EXOC4: variants seen among roughly 807,000 people sequenced by gnomAD.
EXOC4 encodes the protein exocyst complex component 4.
In EXOC4, 71 loss-of-function variants were observed where a neutral mutation model predicts 107.2. That is an observed-to-expected ratio of 0.66 (90% CI 0.55 to 0.81). EXOC4 has a LOEUF of 0.81. EXOC4 is among the 30% of genes least tolerant of loss of function. The pLI is 0.00. For missense variants in EXOC4, 1,108 were observed against 1,189.6 expected (o/e 0.93, Z 1.01); for synonymous variants, 456 against 441.2 (o/e 1.03, Z -0.42).
the EXOC4 span, among the ~76,000 whole-genome samples, chr7:134,079,260 T>G: frequency 1.3e-5 from 2 of 152,144 alleles, no homozygotes; most frequent in Non-Finnish European, 2.9e-5. Flanking sequence ...ATTGGAAAGT[T>G]TCCTCTGAGG....
chr7:133,700,314 AT>A (rs756095259), intron 10 of EXOC4, among the ~76,000 whole-genome samples: 213 of 151,252 alleles, frequency 1.4e-3, no homozygotes, highest in African/African-American at 4.3e-3. Context: ...TTGAGGGACT[AT>A]TTTTTTTTAA....
intron 10 of EXOC4, among the ~76,000 whole-genome samples, chr7:133,755,210 A>ATGTG (rs200416174): frequency 1.5e-5 from 2 of 132,048 alleles, no homozygotes; most frequent in South Asian, 2.3e-4. Flanking sequence ...TTGTTTATAT[A>ATGTG]TGTGTGTGTG....
rs1441471138 is a variant in EXOC4, at chr7:133,907,037, G to A, written c.1872-10546G>A. Among the ~76,000 whole-genome samples the A allele has an allele frequency of 2.6e-5, 4 of 152,256 alleles. No homozygotes were observed. The East Asian group carries it at 7.7e-4, about 29-fold the overall frequency. Reference sequence around the variant, plus strand: ...CTTGGAAGCGGCCAGCCACCATCTTGGGAGCTCTGGGAGCAAGGACCCCCT... The same window carrying A: ...CTTGGAAGCGGCCAGCCACCATCTTAGGAGCTCTGGGAGCAAGGACCCCCT... On this transcript the variant is annotated intron_variant, in intron 12 of 17. Coordinates refer to ENST00000253861, the MANE Select transcript of EXOC4 (RefSeq NM_021807.4).
Position 133,576,605 on chromosome 7 carries a change from G to T in EXOC4, c.1418-53440G>T, listed in dbSNP as rs752447295. On this transcript the variant is annotated intron_variant, in intron 9 of 17. Transcript: ENST00000253861. ...ATCTATAAAGCGGATTTCTCAAGGG[G>T]GTAGAGATAACCACCTAGCTATTGC... 4 of 1,289,722 alleles carry T rather than the reference G, an allele frequency of 3.1e-6. No individual in the cohort carries two copies. The African/African-American group carries it at 4.5e-5, about 15-fold the overall frequency. 79.9% of individuals were successfully genotyped at this position (1,289,722 alleles called of 1,614,324 possible).
chr7:134,089,549 C>A, the EXOC4 span, among the ~76,000 whole-genome samples: 2 of 152,150 alleles, frequency 1.3e-5, no homozygotes, highest in East Asian at 1.9e-4. Context: ...CCTTACCTAG[C>A]TGTAAAGCAG....
chr7:133,796,151 C>T (rs530642728), intron 10 of EXOC4, among the ~76,000 whole-genome samples: 2 of 152,328 alleles, frequency 1.3e-5, no homozygotes, highest in Middle Eastern at 3.4e-3. Flanking sequence ...TTAAATTCTA[C>T]ATAACTTTCT....
At chr7:133,584,329 A>G (rs1464247042) in intron 9 of EXOC4, among the ~76,000 whole-genome samples, 2 of 152,118 alleles carry the variant, frequency 1.3e-5, no homozygotes, top group Admixed American at 6.6e-5. Context: ...TTGAAGGTGG[A>G]GGAGATAGTC....
rs529241274 is a variant in EXOC4, at chr7:133,720,940, C to T, written c.1514+90799C>T. On this transcript the variant is annotated intron_variant, in intron 10 of 17. Coordinates refer to ENST00000253861, the MANE Select transcript of EXOC4 (RefSeq NM_021807.4). ...AGCTAGGTTATAATATAGGAGCCTTCGATTTTCCTACATTAAATGTGTAGC... is the reference window on the plus strand; with the variant it reads ...AGCTAGGTTATAATATAGGAGCCTTTGATTTTCCTACATTAAATGTGTAGC... 7.0e-4 allele frequency among the ~76,000 whole-genome samples: 107 copies of T among 152,198 alleles called. 1 individual carries two copies. The highest frequency in any genetic ancestry group is 2.4e-3 in the African/African-American group (98 of 41,530).
intron 14 of EXOC4, among the ~76,000 whole-genome samples, chr7:133,941,821 T>TTCTCTCTCTCTCTCTCTCTA: frequency 7.7e-6 from 1 of 129,544 alleles, no homozygotes; most frequent in Non-Finnish European, 1.7e-5. Flanking sequence ...TGCTTACAGA[T>TTCTCTCTCTCTCTCTCTCTA]TCTCTCTCTC....
chr7:134,088,277 C>T, the EXOC4 span, among the ~76,000 whole-genome samples: 1 of 152,114 alleles, frequency 6.6e-6, no homozygotes, highest in African/African-American at 2.4e-5. Context: ...TGTCCTGTTA[C>T]AAAAGAAAAC....
Position 133,817,337 on chromosome 7 carries a change from G to C in EXOC4, c.1527G>C (p.Glu509Asp). ...GTTTGTCCTCCAGATTTATTCAGGA[G>C]ATTGAGCATGCTCTGGGTCTTGGCC... Reference protein sequence around the residue: ...IFHPLLRFIQEIEHALGLGPA... With the variant: ...IFHPLLRFIQDIEHALGLGPA... Residue 509 changes from glutamate to aspartate, a missense_variant, in exon 11 of 18, where the codon GAG becomes GAC. Glu to Asp is a conservative substitution (Grantham distance 45). Transcript: ENST00000253861. The C allele has an allele frequency of 6.2e-7, 1 of 1,613,142 alleles. No individual in the cohort carries two copies.
At chr7:133,496,808 A>G (rs1415051996) in intron 9 of EXOC4, among the ~76,000 whole-genome samples, 1 of 152,124 alleles carries the variant, frequency 6.6e-6, no homozygotes, top group African/African-American at 2.4e-5. Context: ...TGATTCTGAC[A>G]GACTGTCACT....
At chr7:133,862,427 G>A (rs1798553453) in intron 11 of EXOC4, among the ~76,000 whole-genome samples, 1 of 152,084 alleles carries the variant, frequency 6.6e-6, no homozygotes, top group African/African-American at 2.4e-5. Flanking sequence ...AGGTTGCAGT[G>A]AGCTGAGATC....
At chr7:133,947,517 T>C (rs1800581511) in intron 14 of EXOC4, among the ~76,000 whole-genome samples, 1 of 152,214 alleles carries the variant, frequency 6.6e-6, no homozygotes, top group South Asian at 2.1e-4. Flanking sequence ...AGGCACCTTT[T>C]GTTCTTCAAA....
At chr7:133,846,920 T>G (rs1358470895) in intron 11 of EXOC4, among the ~76,000 whole-genome samples, 1 of 152,254 alleles carries the variant, frequency 6.6e-6, no homozygotes, top group Non-Finnish European at 1.5e-5. Flanking sequence ...TTGTATGTAT[T>G]TGTAAAGTTC....
chr7:133,737,909 CTTTTTTTT>C (rs10673346), intron 10 of EXOC4, among the ~76,000 whole-genome samples: 5 of 89,328 alleles, frequency 5.6e-5, no homozygotes, highest in East Asian at 8.2e-4. Context: ...ATTTTTCTTT[CTTTTTTTT>C]TTTTTTTTTT....
chr7:133,373,416 T>C (rs1286015094), intron 6 of EXOC4, among the ~76,000 whole-genome samples: 2 of 152,208 alleles, frequency 1.3e-5, no homozygotes, highest in African/African-American at 4.8e-5. Flanking sequence ...TAGTCTAGGC[T>C]GGGAGTACTA....
intron 3 of EXOC4, among the ~76,000 whole-genome samples, chr7:133,293,408 A>G (rs1264460430): frequency 1.3e-5 from 2 of 152,214 alleles, no homozygotes; most frequent in South Asian, 4.1e-4. Flanking sequence ...ATCTTTGCTA[A>G]AAGACATCAG....
intron 10 of EXOC4, among the ~76,000 whole-genome samples, chr7:133,789,186 G>A (rs894508079): frequency 8.5e-5 from 13 of 152,144 alleles, no homozygotes; most frequent in African/African-American, 3.1e-4. Context: ...AAGAAAGGAA[G>A]GAGGAAAGGA....
Sources: allele counts gnomAD v4.1 joint callset (sites outside exome capture counted in the v4.1 genomes callset), GRCh38; gene constraint gnomAD v4.1.1; transcripts MANE v1.5; gene names NCBI Gene and HGNC (gene_info 2026-07-23, HGNC 2026-07-21).